Variants in OR9Q1 observed in about 807,000 individuals in gnomAD.
OR9Q1 encodes the protein olfactory receptor family 9 subfamily Q member 1, also known as olfactory receptor 9Q1.
For synonymous variants in OR9Q1, 153 were observed against 148.6 expected, an observed-to-expected ratio of 1.03 and a Z score of -0.22; for missense variants, 374 against 378.8, an observed-to-expected ratio of 0.99 and a Z score of 0.11.
chr11:58,091,340 T>C lies in OR9Q1; in HGVS notation c.-15+35393T>C, dbSNP rs563555429. ...CTGTGTTCCAGAGATTCTGGTATGTTGTCTCTTTGTTCTCACTGGTCTCAA... is the reference window on the plus strand; with the variant it reads ...CTGTGTTCCAGAGATTCTGGTATGTCGTCTCTTTGTTCTCACTGGTCTCAA... On this transcript the variant is annotated intron_variant, in intron 2 of 2. Transcript: ENST00000335397. 3.3e-5 allele frequency among the ~76,000 whole-genome samples: 5 copies of C among 152,330 alleles called. No individual in the cohort carries two copies. The East Asian group carries it at 9.6e-4, about 29-fold the overall frequency.
At chr11:58,034,257 T>C (rs1403281051) in intron 1 of OR9Q1, among the ~76,000 whole-genome samples, 1 of 151,644 alleles carries the variant, frequency 6.6e-6, no homozygotes, top group Non-Finnish European at 1.5e-5. Flanking sequence ...GGCTAATTTT[T>C]TTTATATTTT....
chr11:58,152,773 C>T (rs927707704), intron 2 of OR9Q1, among the ~76,000 whole-genome samples: 2 of 152,118 alleles, frequency 1.3e-5, no homozygotes, highest in African/African-American at 4.8e-5. Flanking sequence ...ATTAGAAAGG[C>T]CTTGTCTCCA....
intron 2 of OR9Q1, among the ~76,000 whole-genome samples, chr11:58,085,521 T>C (rs766933337): frequency 1.3e-5 from 2 of 151,874 alleles, no homozygotes; most frequent in Non-Finnish European, 2.9e-5. Context: ...ATCTTGTTTC[T>C]GAAACTTTAT....
At position 58,045,655 on chromosome 11, in the gene OR9Q1, G is replaced by A. The variant is rs150621275; in HGVS notation, c.-92-10215G>A. 4.1e-3 allele frequency among the ~76,000 whole-genome samples: 621 copies of A among 152,292 alleles called. 8 individuals are homozygous for A. Among genetic ancestry groups the A allele is most frequent in the Middle Eastern group, 0.027 (8 of 294 alleles). The stretch of plus-strand genomic sequence containing the variant: ...TGCTAGTGAGCTGGGATCATATTCC[G>A]AAGTGTTAACTGAAGAGTCTGTCTT... On this transcript the variant is annotated intron_variant, in intron 1 of 2. Transcript: ENST00000335397.
intron 2 of OR9Q1, among the ~76,000 whole-genome samples, chr11:58,112,798 T>C (rs1169809825): frequency 6.6e-6 from 1 of 152,168 alleles, no homozygotes; most frequent in African/African-American, 2.4e-5. Context: ...GATGTGGCAT[T>C]ATGTCAGGCA....
At position 58,086,411 on chromosome 11, in the gene OR9Q1, C is replaced by G. The variant is rs777522984; in HGVS notation, c.-15+30464C>G. On this transcript the variant is annotated intron_variant, in intron 2 of 2. Transcript: ENST00000335397. ...ACCCCTTGTGCACTGTTGGTGGTAA[C>G]GTAAATGAATACAGCCATTATGGAA... 6.6e-5 allele frequency among the ~76,000 whole-genome samples: 10 copies of G among 151,700 alleles called. 1 individual carries two copies. Among genetic ancestry groups the G allele is most frequent in the African/African-American group, 2.4e-4 (10 of 41,186 alleles).
chr11:58,114,704 C>T (rs1171859096), intron 2 of OR9Q1, among the ~76,000 whole-genome samples: 1 of 152,136 alleles, frequency 6.6e-6, no homozygotes, highest in Non-Finnish European at 1.5e-5. Flanking sequence ...ATGAGATGAT[C>T]CAGATCTATT....
chr11:58,170,382 A>G (rs1854543572), intron 2 of OR9Q1, among the ~76,000 whole-genome samples: 1 of 152,114 alleles, frequency 6.6e-6, no homozygotes, highest in African/African-American at 2.4e-5. Flanking sequence ...TTTATGCCCA[A>G]TGGTATAAAC....
At chr11:58,031,307 C>T (rs1444785964) in intron 1 of OR9Q1, 2 of 1,614,140 alleles carry the variant, frequency 1.2e-6, no homozygotes, top group Admixed American at 1.7e-5. Context: ...GTGTTTCCTA[C>T]TGGCTGCCAT....
At chr11:58,045,947 C>T (rs1275709594) in intron 1 of OR9Q1, among the ~76,000 whole-genome samples, 3 of 152,216 alleles carry the variant, frequency 2.0e-5, no homozygotes, top group African/African-American at 4.8e-5. Flanking sequence ...CCACTGGATG[C>T]CAGCAGCACT....
intron 2 of OR9Q1, among the ~76,000 whole-genome samples, chr11:58,154,278 CT>C (rs1854384100): frequency 6.6e-6 from 1 of 152,136 alleles, no homozygotes; most frequent in Non-Finnish European, 1.5e-5. Flanking sequence ...GAGAACTCTA[CT>C]CTTAGCCCAG....
chr11:58,125,135 C>T (rs992166806), intron 2 of OR9Q1: 2 of 151,944 alleles, frequency 1.3e-5, no homozygotes, highest in African/African-American at 4.8e-5. Flanking sequence ...GCTCTGCAGT[C>T]TAGTACCACG....
rs367545983 is a variant in OR9Q1 at position 58,037,787 on chromosome 11, C to T, written c.-93+13683C>T. ...AGGCTGGGATGCAGTGGCGCGATCT[C>T]GGCTCACTGCAAGCTCTGCCTTCTG... On this transcript the variant is annotated intron_variant, in intron 1 of 2. Transcript: ENST00000335397. Among the ~76,000 whole-genome samples the T allele has an allele frequency of 6.6e-4, 87 of 130,950 alleles. 1 individual carries two copies. In the South Asian group the frequency reaches 0.02, roughly 31 times the overall value. 85.9% of individuals were successfully genotyped at this position (130,950 alleles called of 152,430 possible).
At chr11:58,129,504 C>G (rs1854120521) in intron 2 of OR9Q1, among the ~76,000 whole-genome samples, 1 of 151,842 alleles carries the variant, frequency 6.6e-6, no homozygotes, top group African/African-American at 2.4e-5. Context: ...TTACTGCGGC[C>G]TATATGATTA....
Position 58,180,362 on chromosome 11 carries a change from A to G in OR9Q1, c.918A>G (p.Arg306=), listed in dbSNP as rs775502126. 8 of 1,588,032 alleles carry G rather than the reference A, an allele frequency of 5.0e-6. No individual in the cohort carries two copies. Among genetic ancestry groups the G allele is most frequent in the Non-Finnish European group, 6.9e-6 (8 of 1,164,728 alleles). The change falls in exon 3 of 3, where the codon AGA becomes AGG. Residue 306 remains arginine (R), a synonymous_variant. Transcript: ENST00000335397. ...AGGCCCTGAGAAAAATTCTCAATAG[A>G]GCCAAGTTGTCCTAACCATCTCCAA... ...VKEALRKILN[R]AKLS
Position 58,131,380 on chromosome 11 carries a change from A to G in OR9Q1, c.-14-48051A>G, listed in dbSNP as rs532126430. ...GAGGAATATACATTTTTTGGGATAT[A>G]AATTTTCTCCATCACATGTAAGGAT... On this transcript the variant is annotated intron_variant, in intron 2 of 2. Transcript: ENST00000335397. Among the ~76,000 whole-genome samples the G allele has an allele frequency of 2.0e-5, 3 of 152,298 alleles. No homozygotes were observed. In the South Asian group the frequency reaches 6.2e-4, roughly 32 times the overall value.
At chr11:58,091,040 TATTA>T (rs1351396258) in intron 2 of OR9Q1, among the ~76,000 whole-genome samples, 5 of 152,174 alleles carry the variant, frequency 3.3e-5, no homozygotes, top group Non-Finnish European at 7.3e-5. Flanking sequence ...TTTTCTTCTT[TATTA>T]GTCTAGTGAG....
intron 2 of OR9Q1, among the ~76,000 whole-genome samples, chr11:58,088,699 G>T (rs1470681159): frequency 6.6e-6 from 1 of 151,634 alleles, no homozygotes; most frequent in African/African-American, 2.4e-5. Context: ...ATTTGTTTAT[G>T]TTCCTTGTGG....
At chr11:58,159,189 TC>T (rs1175381534) in intron 2 of OR9Q1, among the ~76,000 whole-genome samples, 2 of 152,156 alleles carry the variant, frequency 1.3e-5, no homozygotes, top group Non-Finnish European at 2.9e-5. Context: ...AGTGGGGACT[TC>T]CCCGTCCTGA....
Sources: gnomAD v4.1 joint callset for allele counts (sites outside exome capture counted in the v4.1 genomes callset) on GRCh38, gnomAD v4.1.1 for gene constraint, MANE v1.5 for transcripts, NCBI Gene and HGNC (gene_info 2026-07-23, HGNC 2026-07-21) for gene names.